Variants in ZMIZ1 observed in about 807,000 individuals in gnomAD.
ZMIZ1 encodes the protein zinc finger MIZ-type containing 1.
In ZMIZ1, 17 loss-of-function variants were observed where a neutral mutation model predicts 113.9. That is an observed-to-expected ratio of 0.15 (90% CI 0.10 to 0.22). The LOEUF is 0.22. ZMIZ1 is among the 10% of genes least tolerant of loss of function. The pLI, the probability that ZMIZ1 is intolerant of heterozygous loss-of-function variation, is 1.00. For synonymous variants in ZMIZ1, 607 were observed against 603.1 expected (o/e 1.01, Z -0.09); for missense variants, 1,059 against 1,477.8 (o/e 0.72, Z 4.65).
At chr10:79,206,727 C>T (rs1468912450) in intron 5 of ZMIZ1, among the ~76,000 whole-genome samples, 1 of 152,232 alleles carries the variant, frequency 6.6e-6, no homozygotes, top group South Asian at 2.1e-4. Context: ...CACATGGGAG[C>T]ACCCCACGCG....
rs1483856639 is a variant in ZMIZ1, at chr10:79,312,860, G to A, written c.*111G>A. 1.0e-5 allele frequency: 10 copies of A among 994,250 alleles called. No individual in the cohort carries two copies. Among genetic ancestry groups the A allele is most frequent in the Admixed American group, 7.2e-5 (3 of 41,746 alleles). The allele number at this position is 994,250 out of a possible 1,614,324, so 61.6% of individuals were successfully genotyped here. ...TCAGACCGCCCCGCACCAGAGCCAC[G>A]GGCTGTGGGGCGGGGAGCCCTCCCC... On this transcript the variant is annotated 3_prime_UTR_variant, in exon 25 of 25. Transcript: ENST00000334512.
At chr10:79,166,264 C>T (rs948909143) in intron 4 of ZMIZ1, among the ~76,000 whole-genome samples, 1 of 152,254 alleles carries the variant, frequency 6.6e-6, no homozygotes, top group African/African-American at 2.4e-5. Context: ...CACCATGCCA[C>T]TGTGTCACTG....
chr10:79,106,305 T>G (rs907307259), intron 1 of ZMIZ1, among the ~76,000 whole-genome samples: 1 of 152,232 alleles, frequency 6.6e-6, no homozygotes, highest in East Asian at 1.9e-4. Flanking sequence ...AACAGGGACA[T>G]CAAGTGCTGT....
intron 23 of ZMIZ1, among the ~76,000 whole-genome samples, chr10:79,309,827 G>A (rs1854996703): frequency 6.6e-6 from 1 of 152,218 alleles, no homozygotes; most frequent in African/African-American, 2.4e-5. Flanking sequence ...GCATGTGCCA[G>A]GCTGCTGTTC....
intron 23 of ZMIZ1, among the ~76,000 whole-genome samples, chr10:79,310,105 C>T (rs1053336751): frequency 1.3e-5 from 2 of 152,128 alleles, no homozygotes; most frequent in Non-Finnish European, 2.9e-5. Flanking sequence ...AGAGAGGCAC[C>T]GCCAGCCTCA....
At chr10:79,234,299 T>C (rs544835746) in intron 7 of ZMIZ1, among the ~76,000 whole-genome samples, 2 of 152,248 alleles carry the variant, frequency 1.3e-5, no homozygotes, top group East Asian at 3.9e-4. Context: ...TCCCCAGCAA[T>C]GCCTCGTGCC....
intron 3 of ZMIZ1, among the ~76,000 whole-genome samples, chr10:79,159,549 GGCT>G (rs904069887): frequency 6.6e-6 from 1 of 152,218 alleles, no homozygotes; most frequent in African/African-American, 2.4e-5. Context: ...TGTTCCTGTG[GGCT>G]GCTTATTAGC....
intron 7 of ZMIZ1, among the ~76,000 whole-genome samples, chr10:79,229,670 A>G (rs189750627): frequency 6.6e-6 from 1 of 152,324 alleles, no homozygotes; most frequent in Admixed American, 6.5e-5. Flanking sequence ...ATGGGTAGCT[A>G]TTATGTTTAG....
intron 12 of ZMIZ1, chr10:79,294,543 G>A (rs1226863490): frequency 6.6e-6 from 1 of 152,290 alleles, no homozygotes; most frequent in African/African-American, 2.4e-5. Flanking sequence ...CCTGGAGGGT[G>A]TGTCACAAGT....
intron 7 of ZMIZ1, among the ~76,000 whole-genome samples, chr10:79,245,240 C>T (rs1277832040): frequency 6.6e-6 from 1 of 152,206 alleles, no homozygotes; most frequent in Non-Finnish European, 1.5e-5. Context: ...ATTCTCATCA[C>T]AGCCTGTGCG....
At chr10:79,270,059 C>T (rs1206379557) in intron 7 of ZMIZ1, among the ~76,000 whole-genome samples, 1 of 152,232 alleles carries the variant, frequency 6.6e-6, no homozygotes, top group Non-Finnish European at 1.5e-5. Context: ...GGCGTCTGTG[C>T]TGCTAGGAGC....
intron 7 of ZMIZ1, among the ~76,000 whole-genome samples, chr10:79,242,928 C>A (rs1849931027): frequency 6.6e-6 from 1 of 151,958 alleles, no homozygotes; most frequent in Admixed American, 6.6e-5. Context: ...CGCTCGCGCT[C>A]CCTCGCAGCG....
rs1254096316 is a variant in ZMIZ1 at position 79,202,210 on chromosome 10, AAAAAGAAAG to A, written c.60+522_60+530del. Among the ~76,000 whole-genome samples the A allele has an allele frequency of 1.0e-4, 11 of 110,518 alleles. No individual in the cohort carries two copies. The South Asian group carries it at 1.5e-3, about 15-fold the overall frequency. The allele number at this position is 110,518 out of a possible 152,430, so 72.5% of individuals were successfully genotyped here. Reference sequence around the variant, plus strand: ...CTCAGAAAAAAAAAAAAAAAAAAAAAAAAAGAAAGAAAGAAAGAAGGAAGGAAGGAGGGA... The same window carrying A: ...CTCAGAAAAAAAAAAAAAAAAAAAAAAAAGAAAGAAGGAAGGAAGGAGGGA... On this transcript the variant is annotated intron_variant, in intron 5 of 24. Coordinates refer to ENST00000334512, the MANE Select transcript of ZMIZ1 (RefSeq NM_020338.4).
chr10:79,084,199 ACTCT>A (rs1292372255), intron 1 of ZMIZ1, among the ~76,000 whole-genome samples: 1 of 151,706 alleles, frequency 6.6e-6, no homozygotes, highest in Non-Finnish European at 1.5e-5. Flanking sequence ...CCATCTTTGA[ACTCT>A]CTCCCCTGAC....
At chr10:79,108,982 A>C (rs894535376) in intron 1 of ZMIZ1, among the ~76,000 whole-genome samples, 1 of 152,090 alleles carries the variant, frequency 6.6e-6, no homozygotes, top group African/African-American at 2.4e-5. Context: ...GAGGCTGTCC[A>C]CATCCCTGCC....
intron 12 of ZMIZ1, 140 bp downstream of exon 12, chr10:79,293,793 G>T (rs778052707): frequency 7.6e-6 from 10 of 1,320,864 alleles, no homozygotes; most frequent in Middle Eastern, 3.9e-4. Context: ...TAGGGGTCAG[G>T]TGCTCCTGGG....
At chr10:79,265,454 C>T (rs1170320736) in intron 7 of ZMIZ1, among the ~76,000 whole-genome samples, 2 of 145,622 alleles carry the variant, frequency 1.4e-5, no homozygotes, top group Non-Finnish European at 3.0e-5. Context: ...CAGACAACTC[C>T]TTTTTTTTCT....
chr10:79,152,571 C>A (rs867005266), intron 3 of ZMIZ1, among the ~76,000 whole-genome samples: 1 of 152,218 alleles, frequency 6.6e-6, no homozygotes, highest in African/African-American at 2.4e-5. Flanking sequence ...GCGGGGCCTG[C>A]GGCCAGGCTT....
intron 24 of ZMIZ1, 95 bp from the exon 25 acceptor site, chr10:79,312,547 T>G (rs1053484366): frequency 5.0e-4 from 667 of 1,329,342 alleles, no homozygotes; most frequent in East Asian, 2.3e-3. Flanking sequence ...GAGAGGCAGG[T>G]GGAGGGGGAC....
Sources: allele counts gnomAD v4.1 joint callset (sites outside exome capture counted in the v4.1 genomes callset), GRCh38; gene constraint gnomAD v4.1.1; transcripts MANE v1.5; gene names NCBI Gene and HGNC (gene_info 2026-07-23, HGNC 2026-07-21).